The following ZSCAN9 variants were observed in gnomAD, a reference collection of about 807,000 sequenced individuals.
The protein encoded by ZSCAN9 is zinc finger and SCAN domain containing 9.
Under a neutral mutation model 23.0 loss-of-function variants are expected in ZSCAN9, and 19 were observed. That is an observed-to-expected ratio of 0.83 (90% CI 0.58 to 1.21). The LOEUF is 1.21. ZSCAN9 is among the 50% of genes most tolerant of loss of function. ZSCAN9 has a pLI of 0.00. For missense variants in ZSCAN9, 467 were observed against 471.5 expected, an observed-to-expected ratio of 0.99 and a Z score of 0.09; for synonymous variants, 155 against 164.8, an observed-to-expected ratio of 0.94 and a Z score of 0.46.
chr6:28,231,186 A>G (rs1760292461), intron 3 of ZSCAN9, among the ~76,000 whole-genome samples: 2 of 152,210 alleles, frequency 1.3e-5, no homozygotes, highest in South Asian at 4.1e-4. Flanking sequence ...ATAAAATGGA[A>G]CAATTACAAT....
intron 3 of ZSCAN9, chr6:28,230,571 G>A (rs931222881): frequency 5.9e-6 from 8 of 1,349,328 alleles, no homozygotes; most frequent in Admixed American, 4.8e-5. Flanking sequence ...GGAGGCCTGG[G>A]TCTGTTGTCC....
rs766537130 is a variant in ZSCAN9, at chr6:28,232,715, T to C, written c.722T>C (p.Ile241Thr). The C allele has an allele frequency of 6.2e-7, 1 of 1,614,084 alleles. No homozygotes were observed. Among genetic ancestry groups the C allele is most frequent in the East Asian group, 2.2e-5 (1 of 44,870 alleles). Reference protein sequence around the residue: ...HGEVGEHKDRIERQWGNLLGE... With the variant: ...HGEVGEHKDRTERQWGNLLGE... Reference sequence around the variant, plus strand: ...GAAGTTGGTGAACATAAGGATAGGATAGAGAGGCAGTGGGGAAACCTCTTA... The same window carrying C: ...GAAGTTGGTGAACATAAGGATAGGACAGAGAGGCAGTGGGGAAACCTCTTA... The change falls in exon 4 of 4, where the codon ATA becomes ACA. Residue 241 changes from isoleucine (I) to threonine (T), a missense_variant. Physicochemically the swap from Ile to Thr is moderately conservative, Grantham distance 89. Transcript: ENST00000252207.
At chr6:28,232,110 T>A (rs1760318335) in intron 3 of ZSCAN9, among the ~76,000 whole-genome samples, 1 of 152,168 alleles carries the variant, frequency 6.6e-6, no homozygotes, top group Non-Finnish European at 1.5e-5. Context: ...GGTGGGTGGA[T>A]CACCTGAGGT....
chr6:28,227,470 A>T lies in ZSCAN9; in HGVS notation c.386A>T (p.Asp129Val). The T allele has an allele frequency of 6.2e-7, 1 of 1,609,748 alleles. No individual in the cohort carries two copies. Among genetic ancestry groups the T allele is most frequent in the Non-Finnish European group, 8.5e-7 (1 of 1,177,918 alleles). The change falls in exon 2 of 4, where the codon GAT becomes GTT. Residue 129 changes from aspartate (D) to valine (V), a missense_variant. Physicochemically the swap from Asp to Val is radical, Grantham distance 152. Coordinates refer to ENST00000252207, the MANE Select transcript of ZSCAN9 (RefSeq NM_006299.5). ...GAAGAGGCTGTGATTTTGCTGGAGG[A>T]TCTGGAGAGAGAGCTCGATGAACCA... is the stretch of plus-strand genomic sequence containing the variant. ...SGEEAVILLE[D>V]LERELDEPQH...
intron 3 of ZSCAN9, among the ~76,000 whole-genome samples, chr6:28,229,734 T>A (rs1007415648): frequency 6.6e-6 from 1 of 152,224 alleles, no homozygotes; most frequent in Non-Finnish European, 1.5e-5. Flanking sequence ...GTTTATATAG[T>A]AAAAAATGGA....
In ZSCAN9 at chr6:28,232,774, AAGAGCTTTACTC is replaced by A. The variant is rs1390499515; in HGVS notation, c.788_799del (p.Phe263_Ser266del). 4 of 1,614,248 alleles carry A rather than the reference AAGAGCTTTACTC, an allele frequency of 2.5e-6. No homozygotes were observed. In the South Asian group the frequency reaches 4.4e-5, roughly 18 times the overall value. ...GCAACACAAATGTGATGAATGTGGG[AAGAGCTTTACTC>A]AGAGCTCAGGTCTCATTCGACATCA... On this transcript the variant is annotated inframe_deletion, in exon 4 of 4. Transcript: ENST00000252207.
At chr6:28,230,605 G>A (rs1760272520) in intron 3 of ZSCAN9, 9 of 901,274 alleles carry the variant, frequency 1.0e-5, no homozygotes, top group Non-Finnish European at 1.5e-5. Context: ...GGGTTGCAAA[G>A]TGAAATCAGA....
chr6:28,232,460 C>T, intron 3 of ZSCAN9, 102 bp from the exon 4 acceptor site: 1 of 1,504,228 alleles, frequency 6.6e-7, no homozygotes, highest in Non-Finnish European at 8.8e-7. Flanking sequence ...CCTTCTGTTT[C>T]TAGCCCACTT....
intron 3 of ZSCAN9, chr6:28,228,661 T>C (rs1205432317): frequency 6.5e-6 from 1 of 154,504 alleles, no homozygotes; most frequent in Non-Finnish European, 1.5e-5. Flanking sequence ...AAATACAATT[T>C]ATGAAAAGCA....
chr6:28,230,693 GATA>G (rs1760275024), intron 3 of ZSCAN9, among the ~76,000 whole-genome samples: 2 of 152,138 alleles, frequency 1.3e-5, no homozygotes, highest in African/African-American at 2.4e-5. Context: ...GCAAGAGGGA[GATA>G]ATAATAAATA....
At position 28,227,674 on chromosome 6, in the gene ZSCAN9, G is replaced by C; in HGVS notation, c.421-16G>C. The C allele has an allele frequency of 6.3e-7, 1 of 1,583,474 alleles. No individual in the cohort carries two copies. The highest frequency in any genetic ancestry group is 8.5e-7 in the Non-Finnish European group (1 of 1,172,890). On this transcript the variant is annotated splice_polypyrimidine_tract_variant and intron_variant, in intron 2 of 3. Transcript: ENST00000252207. Reference sequence around the variant, plus strand: ...TTAATTTCTTCAAAAGTCAAATCTTGTCTTTTTGTCCCCAGATGGTGGCCC... The same window carrying C: ...TTAATTTCTTCAAAAGTCAAATCTTCTCTTTTTGTCCCCAGATGGTGGCCC...
At chr6:28,225,637 C>T (rs1032241397) in intron 1 of ZSCAN9, among the ~76,000 whole-genome samples, 8 of 152,140 alleles carry the variant, frequency 5.3e-5, no homozygotes, top group Non-Finnish European at 1.2e-4. Flanking sequence ...GAAAGAAACA[C>T]CCGGGAGAGG....
At position 28,227,450 on chromosome 6, in the gene ZSCAN9, G is replaced by A. The variant is rs1430047575; in HGVS notation, c.366G>A (p.Glu122=). The part of the protein sequence containing the change: ...VREHCPESGE[E]AVILLEDLER... Reference sequence around the variant, plus strand: ...AACACTGTCCAGAGAGTGGAGAAGAGGCTGTGATTTTGCTGGAGGATCTGG... The same window carrying A: ...AACACTGTCCAGAGAGTGGAGAAGAAGCTGTGATTTTGCTGGAGGATCTGG... The change falls in exon 2 of 4, where the codon GAG becomes GAA. Residue 122 remains glutamate, a synonymous_variant. Coordinates refer to ENST00000252207, the MANE Select transcript of ZSCAN9 (RefSeq NM_006299.5). 7.4e-6 allele frequency: 12 copies of A among 1,612,988 alleles called. No homozygotes were observed. Among genetic ancestry groups the A allele is most frequent in the Middle Eastern group, 1.6e-4 (1 of 6,080 alleles).
chr6:28,229,384 C>A (rs1209771359), intron 3 of ZSCAN9, among the ~76,000 whole-genome samples: 1 of 152,176 alleles, frequency 6.6e-6, no homozygotes, highest in Non-Finnish European at 1.5e-5. Context: ...TAGAACCCTG[C>A]TGAGTATCCC....
intron 3 of ZSCAN9, among the ~76,000 whole-genome samples, chr6:28,231,552 C>G (rs1321311947): frequency 1.3e-5 from 2 of 152,140 alleles, no homozygotes; most frequent in African/African-American, 4.8e-5. Flanking sequence ...TGAGACCAGC[C>G]TGGCCAGCAT....
chr6:28,231,732 A>G (rs1303352436), intron 3 of ZSCAN9, among the ~76,000 whole-genome samples: 1 of 92,292 alleles, frequency 1.1e-5, no homozygotes, highest in East Asian at 2.1e-4. Flanking sequence ...CTCCGTCTCA[A>G]AAAAAAAAAA....
intron 3 of ZSCAN9, among the ~76,000 whole-genome samples, chr6:28,230,099 C>T (rs1002580500): frequency 2.6e-5 from 4 of 152,082 alleles, no homozygotes; most frequent in East Asian, 1.9e-4. Context: ...CCTCGTGATT[C>T]GCCCGCCTCG....
Position 28,233,395 on chromosome 6 carries a change from C to G in ZSCAN9, c.*217C>G, listed in dbSNP as rs1038655498. 3.2e-6 allele frequency: 2 copies of G among 624,936 alleles called. No individual in the cohort carries two copies. Among genetic ancestry groups the G allele is most frequent in the African/African-American group, 3.8e-5 (2 of 52,716 alleles). 38.7% of individuals were successfully genotyped at this position (624,936 alleles called of 1,614,324 possible). ...TTTCTTACTCTTACTAGCTGTGTCCCTCTTATTTATAATTTATTTATTTTT... is the reference window on the plus strand; with the variant it reads ...TTTCTTACTCTTACTAGCTGTGTCCGTCTTATTTATAATTTATTTATTTTT... On this transcript the variant is annotated 3_prime_UTR_variant, in exon 4 of 4. Transcript: ENST00000252207.
At chr6:28,232,082 A>C (rs1231691833) in intron 3 of ZSCAN9, among the ~76,000 whole-genome samples, 2 of 152,202 alleles carry the variant, frequency 1.3e-5, no homozygotes, top group Non-Finnish European at 2.9e-5. Flanking sequence ...CTGTAATCGC[A>C]GCATTTTGGG....
Sources: gnomAD v4.1 joint callset for allele counts (sites outside exome capture counted in the v4.1 genomes callset) on GRCh38, gnomAD v4.1.1 for gene constraint, MANE v1.5 for transcripts, NCBI Gene and HGNC (gene_info 2026-07-23, HGNC 2026-07-21) for gene names.